Variants in PCDH15 observed in about 807,000 individuals in gnomAD.
PCDH15 encodes the protein protocadherin related 15, also known as protocadherin-15.
Under a neutral mutation model 178.5 loss-of-function variants are expected in PCDH15, and 129 were observed. That is an observed-to-expected ratio of 0.72 (90% CI 0.63 to 0.84). The LOEUF (loss-of-function observed/expected upper bound fraction) is 0.84, where lower values mean the gene tolerates loss of function less well. Among genes scored for constraint, PCDH15 ranks in the 40% least tolerant of loss-of-function variants. PCDH15 has a pLI of 0.00. For missense variants in PCDH15, 2,230 were observed against 2,099.9 expected (o/e 1.06, Z -1.21); for synonymous variants, 800 against 732.0 (o/e 1.09, Z -1.50).
At chr10:54,896,450 G>A (rs961299412) in intron 3 of PCDH15, among the ~76,000 whole-genome samples, 3 of 151,656 alleles carry the variant, frequency 2.0e-5, no homozygotes, top group Non-Finnish European at 4.4e-5. Flanking sequence ...ACTGAAATAA[G>A]GAACTACAAT....
intron 2 of PCDH15, among the ~76,000 whole-genome samples, chr10:55,042,755 G>T (rs1199569929): frequency 6.6e-6 from 1 of 152,106 alleles, no homozygotes; most frequent in Non-Finnish European, 1.5e-5. Context: ...CTGGATCAAA[G>T]CAGTGACAGA....
At chr10:54,020,672 G>C (rs2092893200) in intron 19 of PCDH15, among the ~76,000 whole-genome samples, 1 of 151,716 alleles carries the variant, frequency 6.6e-6, no homozygotes, top group Admixed American at 6.6e-5. Flanking sequence ...GAGAGAGAGA[G>C]AGAGGGATCT....
chr10:54,418,205 T>C (rs1954736165), intron 3 of PCDH15, among the ~76,000 whole-genome samples: 1 of 152,162 alleles, frequency 6.6e-6, no homozygotes, highest in South Asian at 2.1e-4. Flanking sequence ...CACAGAGTAC[T>C]TGAATGGTAC....
At chr10:54,826,253 T>A (rs562828462) in intron 3 of PCDH15, among the ~76,000 whole-genome samples, 23 of 151,974 alleles carry the variant, frequency 1.5e-4, no homozygotes, top group Non-Finnish European at 2.9e-4. Context: ...ATCCAATCAG[T>A]CTGTAGGTCT....
intron 2 of PCDH15, among the ~76,000 whole-genome samples, chr10:54,620,111 C>T (rs1029114059): frequency 3.3e-5 from 5 of 151,958 alleles, no homozygotes; most frequent in Non-Finnish European, 5.9e-5. Context: ...AGAGTTAAAT[C>T]GTTGCAGCAG....
At chr10:54,189,098 G>A (rs968381247) in intron 11 of PCDH15, among the ~76,000 whole-genome samples, 1 of 151,756 alleles carries the variant, frequency 6.6e-6, no homozygotes, top group Non-Finnish European at 1.5e-5. Context: ...TGCCTCAGTT[G>A]ACAATTAAAT....
intron 5 of PCDH15, 41 bp downstream of exon 5, chr10:54,369,079 T>A (rs868112242): frequency 6.2e-7 from 1 of 1,602,218 alleles, no homozygotes. Flanking sequence ...TAGATACATA[T>A]ATCAACAGAA....
intron 2 of PCDH15, among the ~76,000 whole-genome samples, chr10:55,004,170 A>C (rs1424763023): frequency 6.6e-6 from 1 of 152,204 alleles, no homozygotes; most frequent in Non-Finnish European, 1.5e-5. Flanking sequence ...GAGAAAAATT[A>C]CATTTCAGAA....
chr10:55,549,498 T>C (rs896944081), intron 2 of PCDH15, among the ~76,000 whole-genome samples: 1 of 152,036 alleles, frequency 6.6e-6, no homozygotes, highest in Non-Finnish European at 1.5e-5. Flanking sequence ...AGGGTGAATC[T>C]TAGGTAGGAA....
chr10:54,339,923 G>C (rs1330321348), intron 6 of PCDH15, among the ~76,000 whole-genome samples: 1 of 152,076 alleles, frequency 6.6e-6, no homozygotes, highest in South Asian at 2.1e-4. Context: ...CCCTGACCCT[G>C]CTCCTTGGTT....
At chr10:55,516,330 A>G (rs1841011852) in intron 2 of PCDH15, among the ~76,000 whole-genome samples, 1 of 152,110 alleles carries the variant, frequency 6.6e-6, no homozygotes, top group South Asian at 2.1e-4. Flanking sequence ...GCCTTCTGCC[A>G]TGATGGTGAG....
At chr10:54,844,291 A>C (rs185884283) in intron 3 of PCDH15, among the ~76,000 whole-genome samples, 1 of 152,154 alleles carries the variant, frequency 6.6e-6, no homozygotes, top group Admixed American at 6.6e-5. Context: ...GAAAAAGAAC[A>C]AACTATTTGT....
chr10:53,929,312 C>T (rs1032498447), intron 25 of PCDH15, among the ~76,000 whole-genome samples: 1 of 151,958 alleles, frequency 6.6e-6, no homozygotes, highest in Non-Finnish European at 1.5e-5. Context: ...ATTTTTGTTT[C>T]ATTGAAAATA....
chr10:54,649,535 A>G (rs2094207100), intron 2 of PCDH15, among the ~76,000 whole-genome samples: 1 of 152,122 alleles, frequency 6.6e-6, no homozygotes, highest in South Asian at 2.1e-4. Flanking sequence ...AAGAGCTCTC[A>G]TCAGTATTCC....
intron 3 of PCDH15, among the ~76,000 whole-genome samples, chr10:54,454,878 G>T (rs2076718613): frequency 6.6e-6 from 1 of 152,078 alleles, no homozygotes; most frequent in Admixed American, 6.6e-5. Context: ...ATAAGGTTTG[G>T]CTGTGTCCCC....
chr10:54,293,364 T>G (rs1337278243), intron 8 of PCDH15, among the ~76,000 whole-genome samples: 1 of 151,996 alleles, frequency 6.6e-6, no homozygotes, highest in Non-Finnish European at 1.5e-5. Flanking sequence ...CATAAAAACC[T>G]GAGAGGAAAA....
intron 2 of PCDH15, chr10:55,599,929 A>G: frequency 6.5e-7 from 1 of 1,527,890 alleles, no homozygotes; most frequent in Non-Finnish European, 8.8e-7. Context: ...GCTGTCTCTT[A>G]CTTTCAACCA....
At position 53,892,320 on chromosome 10, in the gene PCDH15, C is replaced by T. The variant is rs369362533; in HGVS notation, c.3501+10923G>A. On this transcript the variant is annotated intron_variant, in intron 26 of 37. Transcript: ENST00000644397. ...GATTACAGGCGTGAGCCACTGGGAC[C>T]GGCCTCATCGATTTTGAAACATCCA... Among the ~76,000 whole-genome samples, 220 of 152,210 alleles carry T rather than the reference C, an allele frequency of 1.4e-3. 1 individual carries two copies. Among genetic ancestry groups the T allele is most frequent in the African/African-American group, 5.1e-3 (211 of 41,566 alleles).
chr10:55,235,734 C>CTG (rs892780223), intron 1 of PCDH15, among the ~76,000 whole-genome samples: 18 of 151,914 alleles, frequency 1.2e-4, no homozygotes, highest in Middle Eastern at 6.8e-3. Flanking sequence ...TGGTGAAACC[C>CTG]TGTCTCTACT....
Sources: gnomAD v4.1 joint callset for allele counts (sites outside exome capture counted in the v4.1 genomes callset) on GRCh38, gnomAD v4.1.1 for gene constraint, MANE v1.5 for transcripts, NCBI Gene and HGNC (gene_info 2026-07-23, HGNC 2026-07-21) for gene names.